ACSS3: variants seen among roughly 807,000 people sequenced by gnomAD.
ACSS3 encodes acyl-CoA synthetase short-chain family member 3, mitochondrial.
Under a neutral mutation model 84.2 loss-of-function variants are expected in ACSS3, and 64 were observed. The ratio of observed to expected loss-of-function variants is 0.76; its 90% CI spans 0.62 to 0.94. The LOEUF (loss-of-function observed/expected upper bound fraction) is 0.94, where lower values mean the gene tolerates loss of function less well. Among genes scored for constraint, ACSS3 ranks in the 40% least tolerant of loss-of-function variants. The probability of loss-of-function intolerance (pLI) is 0.00; values close to 1 mark genes in which losing one functional copy is unlikely to be tolerated. For synonymous variants in ACSS3, 317 were observed against 310.1 expected, an observed-to-expected ratio of 1.02 and a Z score of -0.23; for missense variants, 815 against 867.6, an observed-to-expected ratio of 0.94 and a Z score of 0.76.
chr12:81,168,689 G>A lies in ACSS3; in HGVS notation c.1099-6099G>A, dbSNP rs79607408. Among the ~76,000 whole-genome samples the A allele has an allele frequency of 2.6e-5, 4 of 152,228 alleles. No individual in the cohort carries two copies. The East Asian group carries it at 7.7e-4, about 29-fold the overall frequency. On this transcript the variant is annotated intron_variant, in intron 7 of 15. Coordinates refer to ENST00000548058, the MANE Select transcript of ACSS3 (RefSeq NM_024560.4). ...TGTCCAGTCTAGAGTCTGGTTTATAGGGCAAGGCATAAATAATTAAGGACA... is the reference window on the plus strand; with the variant it reads ...TGTCCAGTCTAGAGTCTGGTTTATAAGGCAAGGCATAAATAATTAAGGACA...
At chr12:81,154,323 C>T (rs1886760420) in intron 7 of ACSS3, among the ~76,000 whole-genome samples, 1 of 152,034 alleles carries the variant, frequency 6.6e-6, no homozygotes, top group East Asian at 1.9e-4. Context: ...TATTGTTTCT[C>T]AAGTTTATTT....
At chr12:81,199,803 C>A in intron 9 of ACSS3, 1 of 631,668 alleles carries the variant, frequency 1.6e-6, no homozygotes, top group Non-Finnish European at 2.5e-6. Flanking sequence ...CTGGCAGCTG[C>A]ATTATCCTCT....
rs573499661 is a variant in ACSS3, at chr12:81,174,874, T to C, written c.1185T>C (p.Thr395=). 32 of 1,613,892 alleles carry C rather than the reference T, an allele frequency of 2.0e-5. No individual in the cohort carries two copies. The African/African-American group carries it at 4.0e-4, about 20-fold the overall frequency. ...TAGCTGCCTTGTTTACAGCACCAAC[T>C]GCAATTAGAGCAATCCGTCAACAGG... The part of the protein sequence containing the change: ...HGVAALFTAP[T]AIRAIRQQDP... Residue 395 remains threonine, a synonymous_variant, in exon 8 of 16, where the codon ACT becomes ACC. Coordinates refer to ENST00000548058, the MANE Select transcript of ACSS3 (RefSeq NM_024560.4).
At chr12:81,142,192 A>C (rs948503734) in intron 4 of ACSS3, among the ~76,000 whole-genome samples, 2 of 152,166 alleles carry the variant, frequency 1.3e-5, no homozygotes. Context: ...GATCTCATTA[A>C]CTTTCATTGA....
In ACSS3 at chr12:81,199,323, T is replaced by G. The variant is rs1593187752; in HGVS notation, c.1251-18T>G. 1 of 1,583,380 alleles carries G rather than the reference T, an allele frequency of 6.3e-7. No individual in the cohort carries two copies. Among genetic ancestry groups the G allele is most frequent in the East Asian group, 2.2e-5 (1 of 44,674 alleles). ...TTTATTTTCCAGGAATAATTTGAATTCACTGTCTCATATTCAGGTTCAAAA... is the reference window on the plus strand; with the variant it reads ...TTTATTTTCCAGGAATAATTTGAATGCACTGTCTCATATTCAGGTTCAAAA... On this transcript the variant is annotated intron_variant, in intron 8 of 15. Coordinates refer to ENST00000548058, the MANE Select transcript of ACSS3 (RefSeq NM_024560.4).
intron 11 of ACSS3, among the ~76,000 whole-genome samples, chr12:81,222,754 G>T (rs2033152078): frequency 6.6e-6 from 1 of 151,946 alleles, no homozygotes; most frequent in South Asian, 2.1e-4. Flanking sequence ...TTGACTAGAA[G>T]TTGGCCATTT....
chr12:81,256,338 A>ACTT lies in ACSS3; in HGVS notation c.*1419_*1421dup, dbSNP rs2034296378. The ACTT allele has an allele frequency of 6.6e-6, 1 of 152,182 alleles. No homozygotes were observed. Among genetic ancestry groups the ACTT allele is most frequent in the Non-Finnish European group, 1.5e-5 (1 of 68,020 alleles). 9.4% of individuals were successfully genotyped at this position (152,182 alleles called of 1,614,324 possible). ...ATGTCCAAAAGTATCTTTCCATTTA[A>ACTT]CTTCTAAAAATCTCTTAAATGTTTT... On this transcript the variant is annotated 3_prime_UTR_variant, in exon 16 of 16. Transcript: ENST00000548058.
At chr12:81,184,463 C>CAGAA (rs2031132491) in intron 8 of ACSS3, among the ~76,000 whole-genome samples, 1 of 151,600 alleles carries the variant, frequency 6.6e-6, no homozygotes, top group Admixed American at 6.6e-5. Context: ...AAATGAAGTA[C>CAGAA]AGAAAAACCA....
chr12:81,106,003 C>T (rs1004416491), intron 1 of ACSS3, among the ~76,000 whole-genome samples: 1 of 152,108 alleles, frequency 6.6e-6, no homozygotes, highest in African/African-American at 2.4e-5. Context: ...ATCAGTACAG[C>T]TGGAGTTGTA....
At chr12:81,231,589 T>G (rs1383725992) in intron 12 of ACSS3, among the ~76,000 whole-genome samples, 1 of 151,840 alleles carries the variant, frequency 6.6e-6, no homozygotes, top group Non-Finnish European at 1.5e-5. Flanking sequence ...ATTTTTCCAC[T>G]TCTTTATTTT....
intron 7 of ACSS3, among the ~76,000 whole-genome samples, chr12:81,163,373 G>A (rs917146532): frequency 5.3e-5 from 8 of 151,804 alleles, no homozygotes; most frequent in Non-Finnish European, 1.2e-4. Context: ...CATTTCTCAC[G>A]TTTGTGATGC....
chr12:81,174,979 G>A (rs1358721263), intron 8 of ACSS3, 40 bp downstream of exon 8: 14 of 1,593,772 alleles, frequency 8.8e-6, no homozygotes, highest in Non-Finnish European at 1.2e-5. Context: ...ATTAGAAAGT[G>A]CAATCAAAAT....
chr12:81,235,402 A>G (rs540454184), intron 13 of ACSS3, among the ~76,000 whole-genome samples: 10 of 151,362 alleles, frequency 6.6e-5, no homozygotes, highest in African/African-American at 2.4e-4. Flanking sequence ...AGTGTATCTT[A>G]GAGTTGAATA....
At chr12:81,145,228 G>C (rs1886285297) in intron 5 of ACSS3, among the ~76,000 whole-genome samples, 1 of 151,800 alleles carries the variant, frequency 6.6e-6, no homozygotes, top group Admixed American at 6.6e-5. Flanking sequence ...GGTTTTCTCT[G>C]AGAGGTTCTT....
At chr12:81,102,410 G>A (rs781711068) in intron 1 of ACSS3, among the ~76,000 whole-genome samples, 2 of 152,174 alleles carry the variant, frequency 1.3e-5, no homozygotes, top group Non-Finnish European at 2.9e-5. Context: ...TTTGTGTGAT[G>A]TCTGTGCATG....
At chr12:81,219,951 GA>G in intron 10 of ACSS3, 61 bp from the exon 11 acceptor site, 3 of 1,154,254 alleles carry the variant, frequency 2.6e-6, no homozygotes, top group South Asian at 2.3e-5. Context: ...TAAAAATATA[GA>G]AAAATGTTTA....
intron 7 of ACSS3, among the ~76,000 whole-genome samples, chr12:81,169,979 A>G (rs1180707100): frequency 5.3e-5 from 8 of 152,298 alleles, no homozygotes; most frequent in African/African-American, 1.9e-4. Context: ...GAAAGAGACT[A>G]AATGTATTTC....
intron 1 of ACSS3, among the ~76,000 whole-genome samples, chr12:81,088,459 A>T (rs1018549334): frequency 6.6e-6 from 1 of 152,016 alleles, no homozygotes; most frequent in Non-Finnish European, 1.5e-5. Flanking sequence ...CCTTTTTATT[A>T]TCTGTTATCA....
intron 1 of ACSS3, among the ~76,000 whole-genome samples, chr12:81,102,011 C>G (rs992424304): frequency 2.0e-5 from 3 of 151,258 alleles, no homozygotes; most frequent in African/African-American, 7.3e-5. Context: ...CTCCCCATAC[C>G]CTGGCTTTAT....
Sources: gnomAD v4.1 joint callset for allele counts (sites outside exome capture counted in the v4.1 genomes callset) on GRCh38, gnomAD v4.1.1 for gene constraint, MANE v1.5 for transcripts, NCBI Gene and HGNC (gene_info 2026-07-23, HGNC 2026-07-21) for gene names.